Variants in SMARCA2 observed in about 807,000 individuals in gnomAD.
SMARCA2 encodes the protein SWI/SNF related BAF chromatin remodeling complex subunit ATPase 2, also known as SWI/SNF-related matrix-associated actin-dependent regulator of chromatin subfamily A member 2.
Under a neutral mutation model 199.8 loss-of-function variants are expected in SMARCA2, and 61 were observed. The observed-to-expected ratio is 0.31, with a 90% confidence interval of 0.25 to 0.38. SMARCA2 has a LOEUF of 0.38. Ranked by LOEUF, SMARCA2 falls within the 10% of genes least tolerant of loss-of-function variation. SMARCA2 has a pLI of 1.00. For missense variants in SMARCA2, 1,344 were observed against 2,012.2 expected, an observed-to-expected ratio of 0.67 and a Z score of 6.35; for synonymous variants, 935 against 732.0, an observed-to-expected ratio of 1.28 and a Z score of -4.48.
At chr9:2,046,410 T>C (rs976356760) in intron 4 of SMARCA2, among the ~76,000 whole-genome samples, 1 of 152,266 alleles carries the variant, frequency 6.6e-6, no homozygotes, top group African/African-American at 2.4e-5. Context: ...CTCCCTTGAA[T>C]CCTAATATTT....
rs192129216 is a variant in SMARCA2 at position 2,085,220 on chromosome 9, G to A, written c.2526+1024G>A. 1.1e-4 allele frequency among the ~76,000 whole-genome samples: 17 copies of A among 152,316 alleles called. No individual in the cohort carries two copies. In the East Asian group the frequency reaches 3.3e-3, roughly 29 times the overall value. On this transcript the variant is annotated intron_variant, in intron 17 of 33. Coordinates refer to ENST00000349721, the MANE Select transcript of SMARCA2 (RefSeq NM_003070.5). ...CTCACACTCAGAGATGAATTTGGCA[G>A]TGTCAAAAATGATGTGTTTTCAATA...
chr9:2,082,361 A>AT (rs1586685783), intron 15 of SMARCA2, among the ~76,000 whole-genome samples: 3 of 123,374 alleles, frequency 2.4e-5, no homozygotes, highest in South Asian at 2.6e-4. Flanking sequence ...GATTTCTTTG[A>AT]TTTTTTCCTT....
intron 19 of SMARCA2, among the ~76,000 whole-genome samples, chr9:2,093,978 CA>C (rs1822167779): frequency 1.3e-5 from 2 of 152,060 alleles, no homozygotes; most frequent in Non-Finnish European, 2.9e-5. Flanking sequence ...TCTCCATTAT[CA>C]AAAAAGCTTA....
intron 23 of SMARCA2, among the ~76,000 whole-genome samples, chr9:2,105,244 T>A (rs558470731): frequency 1.7e-4 from 26 of 151,968 alleles, no homozygotes; most frequent in South Asian, 4.2e-4. Context: ...TTTTTTTTTT[T>A]ATTTTATTTT....
At position 2,017,064 on chromosome 9, in the gene SMARCA2, C is replaced by T. The variant is rs1818384618; in HGVS notation, c.-37+1660C>T. Reference sequence around the variant, plus strand: ...TGCGGGCTCCGGCGGACACCCGCGCCTTGGCCGGGGCACTTGGGCCGGTTT... The same window carrying T: ...TGCGGGCTCCGGCGGACACCCGCGCTTTGGCCGGGGCACTTGGGCCGGTTT... On this transcript the variant is annotated intron_variant, in intron 1 of 33. Transcript: ENST00000349721. The surrounding 1 kb of genome is among the most constrained non-coding windows in gnomAD (Gnocchi z 8.8). The T allele has an allele frequency of 6.6e-6, 1 of 152,258 alleles. No homozygotes were observed. The highest frequency in any genetic ancestry group is 1.5e-5 in the Non-Finnish European group (1 of 68,086). The allele number at this position is 152,258 out of a possible 1,614,324, so 9.4% of individuals were successfully genotyped here.
chr9:2,101,905 A>G (rs1822533421), intron 22 of SMARCA2, among the ~76,000 whole-genome samples: 2 of 152,262 alleles, frequency 1.3e-5, no homozygotes, highest in South Asian at 2.1e-4. Context: ...TTTGTTATTT[A>G]TAACCAAAAG....
chr9:2,088,747 A>G, intron 19 of SMARCA2, 134 bp downstream of exon 19: 1 of 671,464 alleles, frequency 1.5e-6, no homozygotes, highest in Non-Finnish European at 2.6e-6. Context: ...AATATCTTAA[A>G]TTGTTTTTTT....
intron 3 of SMARCA2, among the ~76,000 whole-genome samples, chr9:2,038,520 G>C (rs1819431774): frequency 6.6e-6 from 1 of 152,122 alleles, no homozygotes; most frequent in Non-Finnish European, 1.5e-5. Flanking sequence ...CTTAACCAGT[G>C]ACTGCTGATT....
At chr9:2,191,034 C>T (rs867549225) in intron 32 of SMARCA2, among the ~76,000 whole-genome samples, 3 of 152,312 alleles carry the variant, frequency 2.0e-5, no homozygotes, top group South Asian at 2.1e-4. Context: ...ACCTCGGTCC[C>T]TCTTGTTGCC....
chr9:2,019,073 A>G (rs1193304015), intron 1 of SMARCA2, among the ~76,000 whole-genome samples: 1 of 151,466 alleles, frequency 6.6e-6, no homozygotes, highest in East Asian at 1.9e-4. Context: ...AATGTTTGCT[A>G]TTGTAAAGAG....
At chr9:2,191,087 G>T (rs537502916) in intron 32 of SMARCA2, among the ~76,000 whole-genome samples, 179 bp from the exon 33 acceptor site, 1 of 152,312 alleles carries the variant, frequency 6.6e-6, no homozygotes, top group South Asian at 2.1e-4. Flanking sequence ...AAGAAGACAG[G>T]TTGGCAAGTG....
chr9:2,140,824 G>T (rs536839220), intron 27 of SMARCA2, among the ~76,000 whole-genome samples: 1 of 152,062 alleles, frequency 6.6e-6, no homozygotes, highest in Non-Finnish European at 1.5e-5. Flanking sequence ...GATGCACACC[G>T]AGCCCCTGCC....
chr9:2,019,148 AAAC>A (rs1818491899), intron 1 of SMARCA2, among the ~76,000 whole-genome samples: 1 of 152,074 alleles, frequency 6.6e-6, no homozygotes, highest in South Asian at 2.1e-4. Context: ...GGAAAAAAAA[AAAC>A]AACCCAGTAG....
At chr9:2,131,886 C>T (rs1348230153) in intron 27 of SMARCA2, among the ~76,000 whole-genome samples, 1 of 149,964 alleles carries the variant, frequency 6.7e-6, no homozygotes, top group African/African-American at 2.5e-5. Context: ...CCGCAGTGAG[C>T]CAAGATCACA....
chr9:2,141,761 A>G (rs1824470114), intron 27 of SMARCA2, among the ~76,000 whole-genome samples: 1 of 152,122 alleles, frequency 6.6e-6, no homozygotes, highest in Non-Finnish European at 1.5e-5. Context: ...GTGCCTCTTC[A>G]ATATGTTAAA....
At chr9:2,109,022 C>T (rs1272819341) in intron 23 of SMARCA2, among the ~76,000 whole-genome samples, 4 of 152,118 alleles carry the variant, frequency 2.6e-5, no homozygotes, top group Non-Finnish European at 4.4e-5. Context: ...TTGTTTTCTC[C>T]CTCTTCAGGA....
chr9:2,184,352 T>C (rs1233113810), intron 31 of SMARCA2, among the ~76,000 whole-genome samples: 1 of 82,946 alleles, frequency 1.2e-5, no homozygotes, highest in Non-Finnish European at 2.2e-5. Context: ...TAGGATAATA[T>C]CTTTTTTTTT....
At chr9:2,077,227 G>C (rs539022304) in intron 13 of SMARCA2, among the ~76,000 whole-genome samples, 1 of 152,144 alleles carries the variant, frequency 6.6e-6, no homozygotes, top group Non-Finnish European at 1.5e-5. Context: ...AGTGTTCTGT[G>C]AATAGGATTT....
At chr9:2,065,081 A>T (rs1820774119) in intron 9 of SMARCA2, among the ~76,000 whole-genome samples, 1 of 152,150 alleles carries the variant, frequency 6.6e-6, no homozygotes, top group African/African-American at 2.4e-5. Context: ...GCTACTCAGG[A>T]GGCTGAGGTG....
Sources: gnomAD v4.1 joint callset for allele counts (sites outside exome capture counted in the v4.1 genomes callset) on GRCh38, gnomAD v4.1.1 for gene constraint, Gnocchi (gnomAD v3.1) non-coding constraint, MANE v1.5 for transcripts, NCBI Gene and HGNC (gene_info 2026-07-23, HGNC 2026-07-21) for gene names.